EXT2: variants seen among roughly 807,000 people sequenced by gnomAD.
EXT2 encodes the protein exostosin glycosyltransferase 2.
Under a neutral mutation model 81.6 loss-of-function variants are expected in EXT2, and 53 were observed. The observed-to-expected ratio is 0.65, with a 90% CI of 0.52 to 0.82. The LOEUF is 0.82. Ranked by LOEUF, EXT2 falls within the 40% of genes least tolerant of loss-of-function variation. EXT2 has a pLI of 0.00. For missense variants in EXT2, 774 were observed against 910.2 expected (o/e 0.85, Z 1.93); for synonymous variants, 320 against 340.0 (o/e 0.94, Z 0.65).
chr11:44,203,745 G>GCCTC (rs1408164179), intron 9 of EXT2, among the ~76,000 whole-genome samples: 1 of 151,154 alleles, frequency 6.6e-6, no homozygotes, highest in Non-Finnish European at 1.5e-5. Flanking sequence ...CTGCCTGCCT[G>GCCTC]CTGGCCAGGC....
chr11:44,170,389 A>C (rs1271992294), intron 7 of EXT2, among the ~76,000 whole-genome samples: 5 of 152,192 alleles, frequency 3.3e-5, no homozygotes, highest in Non-Finnish European at 5.9e-5. Flanking sequence ...TGAAATCATG[A>C]TCTAAACTTT....
intron 8 of EXT2, among the ~76,000 whole-genome samples, chr11:44,183,775 T>C (rs970003452): frequency 1.3e-5 from 2 of 152,232 alleles, no homozygotes; most frequent in African/African-American, 4.8e-5. Flanking sequence ...GAAGTTCTAT[T>C]TGATTATTTT....
chr11:44,193,802 C>T (rs1248435370), intron 8 of EXT2, among the ~76,000 whole-genome samples: 1 of 152,204 alleles, frequency 6.6e-6, no homozygotes, highest in Non-Finnish European at 1.5e-5. Context: ...CCCATGCTGC[C>T]TTCCCTGCTT....
chr11:44,184,746 G>A (rs1436787424), intron 8 of EXT2, among the ~76,000 whole-genome samples: 2 of 151,994 alleles, frequency 1.3e-5, no homozygotes, highest in Admixed American at 6.6e-5. Flanking sequence ...GCAAGACTCC[G>A]TCTCAAAATA....
chr11:44,218,291 A>G (rs1955742299), intron 10 of EXT2, among the ~76,000 whole-genome samples: 1 of 152,212 alleles, frequency 6.6e-6, no homozygotes, highest in Non-Finnish European at 1.5e-5. Flanking sequence ...ACCAAGAAGA[A>G]AGACACCAAA....
intron 10 of EXT2, among the ~76,000 whole-genome samples, chr11:44,217,764 C>T (rs1484247250): frequency 6.6e-6 from 1 of 152,132 alleles, no homozygotes; most frequent in Non-Finnish European, 1.5e-5. Flanking sequence ...TCCTCCCCTC[C>T]TCCATCTTTG....
At chr11:44,115,732 A>C (rs1316924299) in intron 4 of EXT2, among the ~76,000 whole-genome samples, 1 of 152,198 alleles carries the variant, frequency 6.6e-6, no homozygotes, top group Non-Finnish European at 1.5e-5. Flanking sequence ...GACTCTGAGA[A>C]GTAAGAGAAC....
rs923661165 is a variant in EXT2 at position 44,249,385 on chromosome 11, T to A, written c.*5098T>A. Among the ~76,000 whole-genome samples the A allele has an allele frequency of 6.6e-6, 1 of 152,184 alleles. No homozygotes were observed. The highest frequency in any genetic ancestry group is 2.4e-5 in the African/African-American group (1 of 41,444). Reference sequence around the variant, plus strand: ...CCACTCTCCCTGAAAGGCACAGAACTATCAGACAGAAGACAAGGTAGTTCT... The same window carrying A: ...CCACTCTCCCTGAAAGGCACAGAACAATCAGACAGAAGACAAGGTAGTTCT... On this transcript the variant is annotated 3_prime_UTR_variant, in exon 14 of 14. Transcript: ENST00000533608.
At chr11:44,243,618 CT>C (rs1215047805) in intron 13 of EXT2, among the ~76,000 whole-genome samples, 9,066 of 72,996 alleles carry the variant, frequency 0.12, 108 homozygotes, top group East Asian at 0.17. Context: ...GCCCTGTCAC[CT>C]TTTTTTTTTT....
chr11:44,211,862 T>G (rs1955652096), intron 10 of EXT2, among the ~76,000 whole-genome samples: 1 of 152,236 alleles, frequency 6.6e-6, no homozygotes, highest in Non-Finnish European at 1.5e-5. Flanking sequence ...GCTATCACAT[T>G]GTACCCCACA....
At chr11:44,182,926 G>A (rs571884197) in intron 8 of EXT2, among the ~76,000 whole-genome samples, 17 of 152,126 alleles carry the variant, frequency 1.1e-4, no homozygotes, top group Non-Finnish European at 2.2e-4. Context: ...CAATTTCTCA[G>A]TCTTTCTTTT....
chr11:44,189,067 CAT>C (rs941168170), intron 8 of EXT2, among the ~76,000 whole-genome samples: 3 of 152,196 alleles, frequency 2.0e-5, no homozygotes, highest in Non-Finnish European at 2.9e-5. Context: ...TAGCAGTAGA[CAT>C]ATTTGGCCTG....
At chr11:44,102,874 T>G (rs893167078) in intron 1 of EXT2, among the ~76,000 whole-genome samples, 1 of 152,174 alleles carries the variant, frequency 6.6e-6, no homozygotes, top group Non-Finnish European at 1.5e-5. Context: ...GTGTTTTCTG[T>G]TTTTTGTTTG....
intron 7 of EXT2, among the ~76,000 whole-genome samples, chr11:44,155,136 G>T (rs1189104898): frequency 6.6e-6 from 1 of 151,952 alleles, no homozygotes. Flanking sequence ...CCATTTGATT[G>T]CCTGTGCTTT....
intron 10 of EXT2, among the ~76,000 whole-genome samples, chr11:44,212,476 A>G (rs1262481368): frequency 6.6e-6 from 1 of 152,136 alleles, no homozygotes; most frequent in Non-Finnish European, 1.5e-5. Flanking sequence ...TATAAGTAAA[A>G]TTAAAAAGAA....
chr11:44,214,449 C>G (rs1955692945), intron 10 of EXT2, among the ~76,000 whole-genome samples: 1 of 152,108 alleles, frequency 6.6e-6, no homozygotes, highest in Non-Finnish European at 1.5e-5. Context: ...ATGTTCCCTT[C>G]GTTCCCAACC....
At chr11:44,167,072 T>C (rs1349994225) in intron 7 of EXT2, among the ~76,000 whole-genome samples, 2 of 152,200 alleles carry the variant, frequency 1.3e-5, no homozygotes, top group African/African-American at 4.8e-5. Flanking sequence ...TCTGGCATCT[T>C]CTCTGACGGT....
At chr11:44,238,873 TG>T (rs1956002065) in intron 13 of EXT2, among the ~76,000 whole-genome samples, 1 of 152,216 alleles carries the variant, frequency 6.6e-6, no homozygotes, top group Non-Finnish European at 1.5e-5. Flanking sequence ...CTATTAGTGC[TG>T]GACTCCAAAA....
chr11:44,142,611 G>A (rs1178917674), intron 7 of EXT2, among the ~76,000 whole-genome samples: 1 of 152,100 alleles, frequency 6.6e-6, no homozygotes, highest in African/African-American at 2.4e-5. Flanking sequence ...AGGTTAATTT[G>A]ATCAGGATTT....
Sources: gnomAD v4.1 joint callset for allele counts (sites outside exome capture counted in the v4.1 genomes callset) on GRCh38, gnomAD v4.1.1 for gene constraint, MANE v1.5 for transcripts, NCBI Gene and HGNC (gene_info 2026-07-23, HGNC 2026-07-21) for gene names.